The following TARS3 variants were observed in gnomAD, a reference collection of about 807,000 sequenced individuals.
The protein encoded by TARS3 is threonine--tRNA ligase 2, cytoplasmic.
A neutral mutation model predicts 103.5 loss-of-function variants in TARS3; 94 were observed. The observed-to-expected ratio is 0.91, with a 90% CI of 0.77 to 1.08. The LOEUF (loss-of-function observed/expected upper bound fraction) is 1.08, where lower values mean the gene tolerates loss of function less well. TARS3 is among the 50% of genes least tolerant of loss of function. The pLI is 0.00. For synonymous variants in TARS3, 416 were observed against 355.4 expected (o/e 1.17, Z -1.92); for missense variants, 952 against 995.2 (o/e 0.96, Z 0.58).
intron 10 of TARS3, among the ~76,000 whole-genome samples, chr15:101,694,942 G>GA (rs1441971432): frequency 9.2e-5 from 14 of 152,300 alleles, no homozygotes; most frequent in African/African-American, 3.4e-4. Context: ...TTAAGTGTAG[G>GA]ATGATGACAA....
intron 10 of TARS3, among the ~76,000 whole-genome samples, chr15:101,687,218 C>T (rs1009692107): frequency 5.9e-5 from 9 of 152,140 alleles, no homozygotes; most frequent in African/African-American, 2.2e-4. Context: ...GCCTGGCTAA[C>T]ATGATGAAAC....
At chr15:101,669,932 T>C (rs760836001) in intron 15 of TARS3, among the ~76,000 whole-genome samples, 1 of 152,238 alleles carries the variant, frequency 6.6e-6, no homozygotes, top group Non-Finnish European at 1.5e-5. Context: ...GATGGTGAAA[T>C]AGTGGCCTGT....
chr15:101,697,117 T>G (rs1323787156), intron 10 of TARS3, among the ~76,000 whole-genome samples: 1 of 152,220 alleles, frequency 6.6e-6, no homozygotes, highest in Non-Finnish European at 1.5e-5. Flanking sequence ...ATTCCTGTCT[T>G]ACTTTTCCCT....
intron 10 of TARS3, among the ~76,000 whole-genome samples, chr15:101,696,415 T>A (rs964211539): frequency 6.6e-6 from 1 of 152,066 alleles, no homozygotes; most frequent in African/African-American, 2.4e-5. Context: ...AACCCTGGCA[T>A]GAGACTCTAC....
At chr15:101,669,637 G>C (rs191799276) in intron 15 of TARS3, among the ~76,000 whole-genome samples, 1 of 152,260 alleles carries the variant, frequency 6.6e-6, no homozygotes. Flanking sequence ...TCTATGTTGA[G>C]ATATGTTTTG....
intron 15 of TARS3, among the ~76,000 whole-genome samples, chr15:101,665,064 C>T (rs777124415): frequency 6.6e-6 from 1 of 152,100 alleles, no homozygotes; most frequent in Non-Finnish European, 1.5e-5. Flanking sequence ...GAGAGATATA[C>T]AAAGAAAGAC....
Position 101,654,669 on chromosome 15 carries a change from A to G in TARS3, c.2322T>C (p.Ile774=), listed in dbSNP as rs1897131849. 2 of 1,614,100 alleles carry G rather than the reference A, an allele frequency of 1.2e-6. No individual in the cohort carries two copies. The highest frequency in any genetic ancestry group is 1.7e-6 in the Non-Finnish European group (2 of 1,179,962). Residue 774 remains isoleucine (I), a synonymous_variant, in exon 19 of 19, where the codon ATT becomes ATC. Coordinates refer to ENST00000335968, the MANE Select transcript of TARS3 (RefSeq NM_152334.3). The part of the protein sequence containing the change: ...AVNVRTRDNK[I]HGEILVTSAI... The stretch of plus-strand genomic sequence containing the variant: ...CAGAAGTTACTAAAATCTCTCCATG[A>G]ATTTTGTTGTCTCTTGTTCGCACGT...
intron 10 of TARS3, among the ~76,000 whole-genome samples, chr15:101,693,997 T>C (rs1898853687): frequency 1.3e-5 from 2 of 152,070 alleles, no homozygotes; most frequent in Admixed American, 1.3e-4. Flanking sequence ...CAAAAAGGCG[T>C]ACATTTTACT....
intron 16 of TARS3, 63 bp downstream of exon 16, chr15:101,661,649 A>T: frequency 9.8e-7 from 1 of 1,024,378 alleles, no homozygotes; most frequent in Admixed American, 2.9e-5. Flanking sequence ...AGGAAAAATG[A>T]GTAAATTAAT....
intron 10 of TARS3, among the ~76,000 whole-genome samples, chr15:101,698,480 T>C (rs1213846695): frequency 6.6e-6 from 1 of 151,860 alleles, no homozygotes; most frequent in Non-Finnish European, 1.5e-5. Context: ...CAAAACTGGA[T>C]CTTAATCAAA....
rs116162814 is a variant in TARS3, at chr15:101,658,695, G to A, written c.2073-838C>T. On this transcript the variant is annotated intron_variant, in intron 16 of 18. Coordinates refer to ENST00000335968, the MANE Select transcript of TARS3 (RefSeq NM_152334.3). Reference sequence around the variant, plus strand: ...GAAATCGGAACAAGGTTGGTGGACAGTCTCAATGTCTAGTTCTTGGCTGTG... The same window carrying A: ...GAAATCGGAACAAGGTTGGTGGACAATCTCAATGTCTAGTTCTTGGCTGTG... Among the ~76,000 whole-genome samples the A allele has an allele frequency of 1.2e-3, 187 of 152,348 alleles. 3 individuals are homozygous for A. The highest frequency in any genetic ancestry group is 4.0e-3 in the African/African-American group (167 of 41,578).
intron 15 of TARS3, chr15:101,664,534 G>A (rs1897503766): frequency 2.6e-5 from 4 of 152,202 alleles, no homozygotes; most frequent in Admixed American, 2.6e-4. Context: ...TGGAACAGAT[G>A]TGAATATCAC....
intron 10 of TARS3, among the ~76,000 whole-genome samples, chr15:101,691,478 C>G (rs761446288): frequency 6.6e-6 from 1 of 151,786 alleles, no homozygotes; most frequent in Non-Finnish European, 1.5e-5. Flanking sequence ...CAGGGTTTCA[C>G]CATGTTGGCC....
rs114192604 is a variant in TARS3 at position 101,667,556 on chromosome 15, A to G, written c.1967+3930T>C. On this transcript the variant is annotated intron_variant, in intron 15 of 18. Transcript: ENST00000335968. ...GTCAGCACTTGTTGCTTTACCTTGCACTTTTATATTATGGAGATGGCTTTT... is the reference window on the plus strand; with the variant it reads ...GTCAGCACTTGTTGCTTTACCTTGCGCTTTTATATTATGGAGATGGCTTTT... Among the ~76,000 whole-genome samples, 572 of 148,990 alleles carry G rather than the reference A, an allele frequency of 3.8e-3. 5 individuals carry two copies. Among genetic ancestry groups the G allele is most frequent in the African/African-American group, 0.013 (533 of 40,804 alleles).
At chr15:101,681,123 T>G (rs1567334018) in intron 12 of TARS3, among the ~76,000 whole-genome samples, 1 of 152,234 alleles carries the variant, frequency 6.6e-6, no homozygotes, top group Non-Finnish European at 1.5e-5. Flanking sequence ...TGTGTCTATT[T>G]CTAGACTCTG....
chr15:101,690,156 G>C (rs939859364), intron 10 of TARS3, among the ~76,000 whole-genome samples: 3 of 152,138 alleles, frequency 2.0e-5, no homozygotes, highest in African/African-American at 7.2e-5. Flanking sequence ...GAGGCACAGG[G>C]GGTGAGCCAG....
Position 101,684,197 on chromosome 15 carries a change from G to A in TARS3, c.1528C>T (p.Pro510Ser), listed in dbSNP as rs1008577017. Reference protein sequence around the residue: ...AHRPRSWREMPIRFADFGVLH... With the variant: ...AHRPRSWREMSIRFADFGVLH... ...ACTCCAAAATCAGCAAATCTAATAG[G>A]CATTTCCCTCCAAGATCGTGGACGA... The change falls in exon 12 of 19, where the codon CCT (proline) becomes TCT (serine). Residue 510 changes from proline (P) to serine (S), a missense_variant. This residue lies in a region of TARS3 where 540 missense variants were observed against 631.0 expected (regional missense o/e 0.86). Transcript: ENST00000335968. 1 of 1,613,808 alleles carries A rather than the reference G, an allele frequency of 6.2e-7. No individual in the cohort carries two copies. The highest frequency in any genetic ancestry group is 1.3e-5 in the African/African-American group (1 of 74,874).
chr15:101,682,447 G>C (rs1381406303), intron 12 of TARS3, among the ~76,000 whole-genome samples: 1 of 151,980 alleles, frequency 6.6e-6, no homozygotes, highest in Non-Finnish European at 1.5e-5. Context: ...GAATTACAAT[G>C]ATTCATTTTC....
intron 4 of TARS3, among the ~76,000 whole-genome samples, chr15:101,713,278 G>C (rs1201307158): frequency 6.6e-6 from 1 of 152,194 alleles, no homozygotes; most frequent in Non-Finnish European, 1.5e-5. Context: ...TAACACGTAG[G>C]GGATGTGACA....
Sources: allele counts gnomAD v4.1 joint callset (sites outside exome capture counted in the v4.1 genomes callset), GRCh38; gene constraint gnomAD v4.1.1; regional missense constraint gnomAD v4.1.1; transcripts MANE v1.5; gene names NCBI Gene and HGNC (gene_info 2026-07-23, HGNC 2026-07-21).